ZNF484: variants seen among roughly 807,000 people sequenced by gnomAD.
ZNF484 encodes KRAB box containing C2H2 type zinc finger bA526D8.4.
A neutral mutation model predicts 12.9 loss-of-function variants in ZNF484; 11 were observed. That is an observed-to-expected ratio of 0.85 (90% CI 0.54 to 1.41). The LOEUF (loss-of-function observed/expected upper bound fraction) is 1.41, where lower values mean the gene tolerates loss of function less well. Among genes scored for constraint, ZNF484 ranks in the 40% most tolerant of loss-of-function variants. The probability of loss-of-function intolerance (pLI) is 0.00; values close to 1 mark genes in which losing one functional copy is unlikely to be tolerated. For synonymous variants in ZNF484, 289 were observed against 334.1 expected (o/e 0.86, Z 1.47); for missense variants, 807 against 1,007.7 (o/e 0.80, Z 2.70).
chr9:92,874,004 A>G (rs1857622553), intron 2 of ZNF484, among the ~76,000 whole-genome samples: 1 of 152,272 alleles, frequency 6.6e-6, no homozygotes, highest in Non-Finnish European at 1.5e-5. Flanking sequence ...TAAAAAATCA[A>G]TCAATGTAAT....
At chr9:92,877,209 GAAC>G (rs1420379893) in intron 1 of ZNF484, among the ~76,000 whole-genome samples, 1 of 151,688 alleles carries the variant, frequency 6.6e-6, no homozygotes, top group African/African-American at 2.4e-5. Context: ...ATAAGGGAAA[GAAC>G]AACAAATTAC....
At chr9:92,852,283 G>GTTTGTT (rs779653898) in intron 4 of ZNF484, among the ~76,000 whole-genome samples, 7 of 152,184 alleles carry the variant, frequency 4.6e-5, no homozygotes, top group Non-Finnish European at 8.8e-5. Flanking sequence ...TTGGTTTTTT[G>GTTTGTT]TTTGTTTTTG....
chr9:92,850,760 C>A (rs992660365), intron 4 of ZNF484, among the ~76,000 whole-genome samples: 8 of 152,032 alleles, frequency 5.3e-5, no homozygotes, highest in Non-Finnish European at 4.4e-5. Flanking sequence ...TGTAAAAATA[C>A]AAATTTTTGT....
intron 1 of ZNF484, among the ~76,000 whole-genome samples, chr9:92,876,167 AT>A (rs138041124): frequency 3.0e-3 from 460 of 152,344 alleles, no homozygotes; most frequent in Non-Finnish European, 5.3e-3. Context: ...TGACAATGTG[AT>A]AAAGAGGCCA....
Position 92,844,590 on chromosome 9 carries a change from A to G in ZNF484, c.*1638T>C, listed in dbSNP as rs1855484539. Among the ~76,000 whole-genome samples, 1 of 152,238 alleles carries G rather than the reference A, an allele frequency of 6.6e-6. No homozygotes were observed. On this transcript the variant is annotated 3_prime_UTR_variant, in exon 5 of 5. Transcript: ENST00000375495. Reference sequence around the variant, plus strand: ...AGACAGAAAAGCAGATTGCCTGCAAAGGTAATTATATAAAGCTTCTCAATA... The same window carrying G: ...AGACAGAAAAGCAGATTGCCTGCAAGGGTAATTATATAAAGCTTCTCAATA...
rs1465017179 is a variant in ZNF484, at chr9:92,848,487, C to G, written c.300G>C (p.Glu100Asp). 1 of 1,612,210 alleles carries G rather than the reference C, an allele frequency of 6.2e-7. No homozygotes were observed. The highest frequency in any genetic ancestry group is 1.1e-5 in the South Asian group (1 of 90,614). Residue 100 changes from glutamate (E) to aspartate (D), a missense_variant, in exon 5 of 5, where the codon GAG becomes GAC. Coordinates refer to ENST00000375495, the MANE Select transcript of ZNF484 (RefSeq NM_031486.4). This position sits in a 1 kb window ranked among gnomAD's most constrained non-coding sequence, Gnocchi z 4.1. ...CTCTTGTGAAGAGATTAATATTAAT[C>G]TCAGACTGGAAAGAAACTTCTTCAG... ...RMSEEVSFQS[E>D]ININLFTRDD...
At chr9:92,856,340 C>G in intron 2 of ZNF484, 22 bp from the exon 3 acceptor site, 10 of 1,488,512 alleles carry the variant, frequency 6.7e-6, no homozygotes, top group Non-Finnish European at 9.0e-6. Flanking sequence ...AAAAAACAAA[C>G]TTTAAAATAA....
chr9:92,870,236 C>T (rs904012376), intron 2 of ZNF484, among the ~76,000 whole-genome samples: 1 of 152,114 alleles, frequency 6.6e-6, no homozygotes. Flanking sequence ...ATAGCTCTGA[C>T]CAGGTGTTCG....
rs1191348183 is a variant in ZNF484, at chr9:92,860,569, A to C, written c.16-4251T>G. On this transcript the variant is annotated intron_variant, in intron 2 of 4. Coordinates refer to ENST00000375495, the MANE Select transcript of ZNF484 (RefSeq NM_031486.4). The stretch of plus-strand genomic sequence containing the variant: ...CAGTGAGCTGAGATCACACCAGTGC[A>C]CTCCAGCCTGGGCGACAGAGCGAGA... Among the ~76,000 whole-genome samples the C allele has an allele frequency of 1.3e-4, 19 of 143,392 alleles. No individual in the cohort carries two copies. In the East Asian group the frequency reaches 3.6e-3, roughly 27 times the overall value. 94.1% of individuals were successfully genotyped at this position (143,392 alleles called of 152,430 possible).
intron 4 of ZNF484, among the ~76,000 whole-genome samples, chr9:92,849,416 T>C (rs183990046): frequency 4.1e-4 from 63 of 152,232 alleles, no homozygotes; most frequent in Non-Finnish European, 7.4e-4. Flanking sequence ...AGAGTAATAA[T>C]ATTAATACTA....
At chr9:92,871,519 A>G (rs1178422029) in intron 2 of ZNF484, among the ~76,000 whole-genome samples, 2 of 152,202 alleles carry the variant, frequency 1.3e-5, no homozygotes, top group Non-Finnish European at 2.9e-5. Flanking sequence ...CAAGTATTTG[A>G]AGAAATAATG....
At chr9:92,863,564 A>G (rs1436817019) in intron 2 of ZNF484, among the ~76,000 whole-genome samples, 1 of 152,254 alleles carries the variant, frequency 6.6e-6, no homozygotes, top group Non-Finnish European at 1.5e-5. Flanking sequence ...GGAATATAGA[A>G]AAAGAAATTG....
intron 4 of ZNF484, among the ~76,000 whole-genome samples, chr9:92,853,549 T>C (rs1471298567): frequency 2.0e-5 from 3 of 152,214 alleles, no homozygotes; most frequent in Non-Finnish European, 4.4e-5. Flanking sequence ...ACTCAGAGCT[T>C]ATGCTGCAGC....
At chr9:92,866,900 C>T (rs569126549) in intron 2 of ZNF484, among the ~76,000 whole-genome samples, 14 of 152,246 alleles carry the variant, frequency 9.2e-5, no homozygotes, top group East Asian at 1.9e-4. Context: ...AACAGAAATC[C>T]GAACACTGCA....
intron 2 of ZNF484, among the ~76,000 whole-genome samples, chr9:92,866,612 A>C (rs575593999): frequency 2.0e-5 from 3 of 152,366 alleles, no homozygotes; most frequent in South Asian, 4.1e-4. Flanking sequence ...AACCAGAAAT[A>C]CCAGTTGACC....
chr9:92,866,995 G>T (rs1857121256), intron 2 of ZNF484, among the ~76,000 whole-genome samples: 1 of 152,196 alleles, frequency 6.6e-6, no homozygotes, highest in Non-Finnish European at 1.5e-5. Context: ...CTATCAAGGG[G>T]TGGGGGGATA....
rs770891693 is a variant in ZNF484, at chr9:92,847,117, C to G, written c.1670G>C (p.Cys557Ser). Residue 557 changes from cysteine (C) to serine (S), a missense_variant, in exon 5 of 5, where the codon TGT (cysteine) becomes TCT (serine). Cys to Ser is a moderately radical substitution (Grantham distance 112). Coordinates refer to ENST00000375495, the MANE Select transcript of ZNF484 (RefSeq NM_031486.4). ...TGACTTCTGAATGAATGCTTTCCCA[C>G]ATTCACTGCATTCATAATGTCTCTC... ...TGERHYECSE[C>S]GKAFIQKSTL... The G allele has an allele frequency of 3.1e-6, 5 of 1,613,992 alleles. No homozygotes were observed. Among genetic ancestry groups the G allele is most frequent in the African/African-American group, 2.7e-5 (2 of 74,920 alleles).
In ZNF484 at chr9:92,856,332, A is replaced by AC. The variant is rs767836682; in HGVS notation, c.16-15_16-14insG. The AC allele has an allele frequency of 1.6e-5, 24 of 1,538,400 alleles. No individual in the cohort carries two copies. Among genetic ancestry groups the AC allele is most frequent in the Middle Eastern group, 3.5e-4 (2 of 5,656 alleles). ...TGACACTGATTCCTGTTAAAAAAAA[A>AC]AAACAAACTTTAAAATAATTTTTTA... On this transcript the variant is annotated splice_polypyrimidine_tract_variant and intron_variant, in intron 2 of 4. Transcript: ENST00000375495.
chr9:92,864,061 G>A (rs1421502396), intron 2 of ZNF484, among the ~76,000 whole-genome samples: 1 of 152,136 alleles, frequency 6.6e-6, no homozygotes, highest in Non-Finnish European at 1.5e-5. Flanking sequence ...CAAGATGGAT[G>A]AAAAAAGCAA....
Sources: allele counts gnomAD v4.1 joint callset (sites outside exome capture counted in the v4.1 genomes callset), GRCh38; gene constraint gnomAD v4.1.1; non-coding constraint Gnocchi (gnomAD v3.1); transcripts MANE v1.5; gene names NCBI Gene and HGNC (gene_info 2026-07-23, HGNC 2026-07-21).